Variants in SBF2 observed in about 807,000 individuals in gnomAD.
SBF2 encodes SET binding factor 2, also known as myotubularin-related protein 13.
SBF2 carries 112 observed loss-of-function variants against 225.2 expected under a neutral mutation model. That is an observed-to-expected ratio of 0.50 (90% CI 0.43 to 0.58). The LOEUF is 0.58. Ranked by LOEUF, SBF2 falls within the 20% of genes least tolerant of loss-of-function variation. The probability of loss-of-function intolerance (pLI) is 0.00; values close to 1 mark genes in which losing one functional copy is unlikely to be tolerated. For missense variants in SBF2, 1,996 were observed against 2,206.2 expected (o/e 0.90, Z 1.91); for synonymous variants, 763 against 773.3 (o/e 0.99, Z 0.22).
intron 25 of SBF2, among the ~76,000 whole-genome samples, chr11:9,841,534 CTT>C (rs11289335): frequency 2.1e-3 from 295 of 142,944 alleles, no homozygotes; most frequent in Middle Eastern, 3.6e-3. Flanking sequence ...CACATAGGTT[CTT>C]TTTTTTTTTT....
chr11:9,968,901 T>C (rs1230019796), intron 13 of SBF2, among the ~76,000 whole-genome samples: 1 of 152,206 alleles, frequency 6.6e-6, no homozygotes, highest in East Asian at 1.9e-4. Context: ...GGTGATCACT[T>C]CCAGTCTCCT....
chr11:10,166,811 A>C (rs559704222), intron 2 of SBF2, among the ~76,000 whole-genome samples: 2 of 152,056 alleles, frequency 1.3e-5, no homozygotes, highest in Admixed American at 6.6e-5. Flanking sequence ...AAAATACAAA[A>C]ATAAGCCAGG....
chr11:10,244,179 G>A (rs968231783), intron 1 of SBF2, among the ~76,000 whole-genome samples: 1 of 152,150 alleles, frequency 6.6e-6, no homozygotes, highest in African/African-American at 2.4e-5. Flanking sequence ...TGATTTTAGT[G>A]TCATATCCAA....
intron 1 of SBF2, among the ~76,000 whole-genome samples, chr11:10,198,655 C>T (rs182821054): frequency 6.8e-4 from 103 of 152,334 alleles, no homozygotes; most frequent in Admixed American, 4.3e-3. Context: ...TAGATGGCAT[C>T]TTCTTCCAAT....
intron 15 of SBF2, among the ~76,000 whole-genome samples, chr11:9,963,256 G>A (rs1442487195): frequency 6.6e-6 from 1 of 152,134 alleles, no homozygotes; most frequent in Admixed American, 6.5e-5. Context: ...CTTGAGGGCA[G>A]GAGTTCAAGA....
intron 16 of SBF2, among the ~76,000 whole-genome samples, chr11:9,923,102 A>G (rs925813565): frequency 7.9e-5 from 12 of 152,108 alleles, no homozygotes; most frequent in Non-Finnish European, 1.2e-4. Flanking sequence ...CCTCCCTCGC[A>G]TGCCATTCCT....
chr11:10,287,518 C>G (rs1379634840), intron 1 of SBF2, among the ~76,000 whole-genome samples: 5 of 152,140 alleles, frequency 3.3e-5, no homozygotes, highest in Non-Finnish European at 7.3e-5. Context: ...TAAAGCAATC[C>G]TCCAGCCTCA....
chr11:10,275,287 G>A (rs868401458), intron 1 of SBF2, among the ~76,000 whole-genome samples: 6 of 152,226 alleles, frequency 3.9e-5, no homozygotes, highest in Middle Eastern at 6.8e-3. Context: ...TTTTCCCAAG[G>A]TGTTACCCCC....
chr11:10,166,804 A>T (rs1312985019), intron 2 of SBF2, among the ~76,000 whole-genome samples: 5 of 152,154 alleles, frequency 3.3e-5, no homozygotes, highest in African/African-American at 1.2e-4. Flanking sequence ...TCTACTAAAA[A>T]TACAAAAATA....
Position 9,976,862 on chromosome 11 carries a change from G to A in SBF2, c.1396-8317C>T, listed in dbSNP as rs981776543. Among the ~76,000 whole-genome samples the A allele has an allele frequency of 6.0e-5, 9 of 150,898 alleles. No homozygotes were observed. In the South Asian group the frequency reaches 6.4e-4, roughly 11 times the overall value. On this transcript the variant is annotated intron_variant, in intron 13 of 39. Coordinates refer to ENST00000256190, the MANE Select transcript of SBF2 (RefSeq NM_030962.4). Reference sequence around the variant, plus strand: ...CGGCTCACTGCAACCTCCACCTCCCGGGTTCACGCCATTCTCCTGCCTCAG... The same window carrying A: ...CGGCTCACTGCAACCTCCACCTCCCAGGTTCACGCCATTCTCCTGCCTCAG...
chr11:9,867,025 T>C (rs1024839833), intron 17 of SBF2, among the ~76,000 whole-genome samples: 7 of 152,140 alleles, frequency 4.6e-5, no homozygotes, highest in Admixed American at 3.3e-4. Flanking sequence ...CACAATGAGA[T>C]GGGTACAAAA....
At chr11:10,236,708 C>T (rs144775295) in intron 1 of SBF2, among the ~76,000 whole-genome samples, 12 of 152,244 alleles carry the variant, frequency 7.9e-5, no homozygotes, top group Admixed American at 2.0e-4. Flanking sequence ...TTAATCCACC[C>T]GCCTCGGCCT....
rs879254037 is a variant in SBF2 at position 9,850,205 on chromosome 11, C to A, written c.2624G>T (p.Arg875Ile). ...LPPIQKPKIL[R>I]PALLPGEEIV... ...TTCTTCTCCTGGCAGCAGAGCAGGT[C>A]TAAGAATCTTGGGCTTACAACAGAA... Residue 875 changes from arginine to isoleucine, a missense_variant, in exon 22 of 40, where the codon AGA (arginine) becomes ATA (isoleucine). By Grantham distance (97) the Arg-to-Ile change is moderately conservative. Coordinates refer to ENST00000256190, the MANE Select transcript of SBF2 (RefSeq NM_030962.4). The A allele has an allele frequency of 1.2e-6, 2 of 1,613,230 alleles. No individual in the cohort carries two copies. Among genetic ancestry groups the A allele is most frequent in the African/African-American group, 2.7e-5 (2 of 74,908 alleles).
intron 25 of SBF2, among the ~76,000 whole-genome samples, chr11:9,841,006 C>T (rs563055695): frequency 6.6e-6 from 1 of 151,594 alleles, no homozygotes; most frequent in East Asian, 1.9e-4. Flanking sequence ...ATTTACTTCC[C>T]TATTTATTTT....
At chr11:9,788,938 A>G (rs572179333) in intron 35 of SBF2, among the ~76,000 whole-genome samples, 171 bp downstream of exon 35, 1 of 152,230 alleles carries the variant, frequency 6.6e-6, no homozygotes, top group South Asian at 2.1e-4. Flanking sequence ...CTTTTCCAGT[A>G]GTGAAGCCTG....
In SBF2 at chr11:10,117,748, T is replaced by C. The variant is rs552960201; in HGVS notation, c.142-74767A>G. Among the ~76,000 whole-genome samples the C allele has an allele frequency of 2.1e-4, 32 of 151,522 alleles. 1 individual carries two copies. The South Asian group carries it at 6.4e-3, about 30-fold the overall frequency. On this transcript the variant is annotated intron_variant, in intron 2 of 39. Coordinates refer to ENST00000256190, the MANE Select transcript of SBF2 (RefSeq NM_030962.4). ...GGGAAAGCAGCCTTAAGAGTCTCTC[T>C]TGGGTGCTATTTCCATGTTGTTGGG...
chr11:9,870,773 A>C (rs1224402206), intron 17 of SBF2, among the ~76,000 whole-genome samples: 2 of 152,084 alleles, frequency 1.3e-5, no homozygotes, highest in Non-Finnish European at 2.9e-5. Context: ...CAGGAGATTG[A>C]GACTATCCTG....
At chr11:10,033,139 G>A (rs1565155555) in intron 3 of SBF2, among the ~76,000 whole-genome samples, 2 of 152,100 alleles carry the variant, frequency 1.3e-5, no homozygotes, top group Non-Finnish European at 2.9e-5. Flanking sequence ...AAAATGTGAT[G>A]AATATGAATT....
intron 2 of SBF2, among the ~76,000 whole-genome samples, chr11:10,123,934 C>T (rs1953607647): frequency 6.6e-6 from 1 of 152,156 alleles, no homozygotes; most frequent in Non-Finnish European, 1.5e-5. Context: ...CCAAGAAACA[C>T]CAATGAATAT....
Sources: allele counts gnomAD v4.1 joint callset (sites outside exome capture counted in the v4.1 genomes callset), GRCh38; gene constraint gnomAD v4.1.1; transcripts MANE v1.5; gene names NCBI Gene and HGNC (gene_info 2026-07-23, HGNC 2026-07-21).